DEPDC5: variants seen among roughly 807,000 people sequenced by gnomAD.
The protein encoded by DEPDC5 is DEP domain containing 5, GATOR1 subcomplex subunit, also known as GATOR1 complex protein DEPDC5.
Under a neutral mutation model 217.3 loss-of-function variants are expected in DEPDC5, and 73 were observed. The ratio of observed to expected loss-of-function variants is 0.34; its 90% CI spans 0.28 to 0.41. DEPDC5 has a LOEUF of 0.41. Ranked by LOEUF, DEPDC5 falls within the 10% of genes least tolerant of loss-of-function variation. DEPDC5 has a pLI of 1.00. For missense variants in DEPDC5, 1,675 were observed against 2,070.1 expected (o/e 0.81, Z 3.70); for synonymous variants, 733 against 756.7 (o/e 0.97, Z 0.51).
intron 38 of DEPDC5, chr22:31,890,408 A>C (rs1180022290): frequency 6.6e-6 from 1 of 152,174 alleles, no homozygotes; most frequent in Non-Finnish European, 1.5e-5. Flanking sequence ...AAAACCATAT[A>C]TCATCATACA....
Position 31,822,766 on chromosome 22 carries a change from G to T in DEPDC5, c.2080G>T (p.Gly694Cys). 1 of 1,614,016 alleles carries T rather than the reference G, an allele frequency of 6.2e-7. No homozygotes were observed. Among genetic ancestry groups the T allele is most frequent in the Non-Finnish European group, 8.5e-7 (1 of 1,179,966 alleles). The change falls in exon 24 of 43, where the codon GGC becomes TGC. Residue 694 changes from glycine to cysteine, a missense_variant. Gly to Cys is a radical substitution (Grantham distance 159). Transcript: ENST00000651528. ...NFSGTEELSV[G>C]LLSNSGAGMN... ...CAGTGGAACAGAGGAGCTTTCTGTC[G>T]GCCTGCTTAGCAACAGTGGTGCAGG...
chr22:31,788,868 G>A (rs1031117412), intron 10 of DEPDC5, among the ~76,000 whole-genome samples: 4 of 147,990 alleles, frequency 2.7e-5, no homozygotes, highest in African/African-American at 7.5e-5. Flanking sequence ...GAGCCTCCGC[G>A]ACTGGGCCCA....
intron 41 of DEPDC5, among the ~76,000 whole-genome samples, chr22:31,902,407 ATT>A (rs58473178): frequency 0.082 from 5,662 of 69,294 alleles, 217 homozygotes; most frequent in South Asian, 0.096. Context: ...TCATCTCCTT[ATT>A]ATATATATAT....
At chr22:31,888,919 C>T (rs1003131863) in intron 38 of DEPDC5, among the ~76,000 whole-genome samples, 2 of 152,196 alleles carry the variant, frequency 1.3e-5, no homozygotes, top group Admixed American at 6.5e-5. Context: ...CAAACCCTGA[C>T]ACTTGAATAT....
At chr22:31,809,169 T>C (rs1358072305) in intron 18 of DEPDC5, among the ~76,000 whole-genome samples, 2 of 152,106 alleles carry the variant, frequency 1.3e-5, no homozygotes, top group Non-Finnish European at 2.9e-5. Flanking sequence ...TTTCAGCAAA[T>C]TGGGTGATAT....
chr22:31,772,971 G>A (rs949318827), intron 7 of DEPDC5, among the ~76,000 whole-genome samples: 10 of 151,780 alleles, frequency 6.6e-5, no homozygotes, highest in Non-Finnish European at 1.5e-4. Context: ...TAGTAGACAC[G>A]GGGTCTTGCC....
chr22:31,764,046 C>CT (rs1200659891), intron 4 of DEPDC5, among the ~76,000 whole-genome samples: 2 of 152,026 alleles, frequency 1.3e-5, no homozygotes, highest in East Asian at 3.9e-4. Context: ...TCTCCTGCCT[C>CT]TGCCTCCTGA....
chr22:31,783,874 T>C, intron 8 of DEPDC5, 33 bp from the exon 9 acceptor site: 5 of 1,593,908 alleles, frequency 3.1e-6, no homozygotes, highest in Non-Finnish European at 3.4e-6. Flanking sequence ...GTATATGGCA[T>C]TGCTTTTTAA....
intron 12 of DEPDC5, 53 bp downstream of exon 12, chr22:31,792,870 C>T: frequency 7.2e-7 from 1 of 1,392,902 alleles, no homozygotes; most frequent in Non-Finnish European, 9.5e-7. Context: ...TTGTTTCTTT[C>T]CTAACTTAAA....
At chr22:31,879,029 C>CAAAGAAAAA (rs1425789379) in intron 37 of DEPDC5, among the ~76,000 whole-genome samples, 8 of 68,134 alleles carry the variant, frequency 1.2e-4, no homozygotes, top group Non-Finnish European at 2.0e-4. Flanking sequence ...GACTCCGTCT[C>CAAAGAAAAA]AAAAAAAAAA....
Position 31,804,927 on chromosome 22 carries a change from C to A in DEPDC5, c.1217+12C>A. On this transcript the variant is annotated intron_variant, in intron 17 of 42. Coordinates refer to ENST00000651528, the MANE Select transcript of DEPDC5 (RefSeq NM_001242896.3). ...TGGATAAACCACAGGTGGGTGCGAT[C>A]TCGATCAATAGTAGGTGATAAGCGT... 1 of 1,611,104 alleles carries A rather than the reference C, an allele frequency of 6.2e-7. No individual in the cohort carries two copies. Among genetic ancestry groups the A allele is most frequent in the Non-Finnish European group, 8.5e-7 (1 of 1,178,130 alleles).
At chr22:31,826,504 C>A in intron 24 of DEPDC5, 1 of 425,480 alleles carries the variant, frequency 2.4e-6, no homozygotes, top group Non-Finnish European at 4.7e-6. Context: ...ATAGAATATG[C>A]TTCTTCCCTG....
At position 31,904,529 on chromosome 22, in the gene DEPDC5, G is replaced by T. The variant is rs202182468; in HGVS notation, c.4437-1455G>T. 2.7e-4 allele frequency among the ~76,000 whole-genome samples: 41 copies of T among 152,298 alleles called. No individual in the cohort carries two copies. The East Asian group carries it at 7.7e-3, about 29-fold the overall frequency. ...AGGCCGAAGCAGGCGGATCACCTGA[G>T]GTCAGCAGTTCAAGACCAGCCTGGC... is the stretch of plus-strand genomic sequence containing the variant. On this transcript the variant is annotated intron_variant, in intron 41 of 42. Transcript: ENST00000651528.
intron 19 of DEPDC5, 142 bp from the exon 20 acceptor site, chr22:31,810,379 C>T: frequency 7.8e-7 from 1 of 1,282,132 alleles, no homozygotes; most frequent in Non-Finnish European, 1.1e-6. Flanking sequence ...TCACCTGTGC[C>T]TTGCAGATTT....
At position 31,764,620 on chromosome 22, in the gene DEPDC5, TGG is replaced by T. The variant is rs559364937; in HGVS notation, c.194-354_194-353del. 6.4e-4 allele frequency among the ~76,000 whole-genome samples: 98 copies of T among 152,300 alleles called. 1 individual carries two copies. The South Asian group carries it at 0.014, about 22-fold the overall frequency. Reference sequence around the variant, plus strand: ...TAGTAGAGACAGGGTTTCACCATGTTGGCCAGGCTGGTCTCGAACTGCTGACC... The same window carrying T: ...TAGTAGAGACAGGGTTTCACCATGTTCCAGGCTGGTCTCGAACTGCTGACC... On this transcript the variant is annotated intron_variant, in intron 4 of 42. Transcript: ENST00000651528.
In DEPDC5 at chr22:31,866,597, G is replaced by A. The variant is rs561140782; in HGVS notation, c.3331-3993G>A. Among the ~76,000 whole-genome samples the A allele has an allele frequency of 4.6e-5, 7 of 152,304 alleles. No homozygotes were observed. In the South Asian group the frequency reaches 1.0e-3, roughly 23 times the overall value. ...GACAGGGTTTCACCATGTTGGCCAG[G>A]ATGGTCTCCATCTCCTGACCTTGTG... On this transcript the variant is annotated intron_variant, in intron 33 of 42. Coordinates refer to ENST00000651528, the MANE Select transcript of DEPDC5 (RefSeq NM_001242896.3).
At chr22:31,892,978 C>T (rs1419256644) in intron 38 of DEPDC5, among the ~76,000 whole-genome samples, 1 of 150,478 alleles carries the variant, frequency 6.6e-6, no homozygotes, top group South Asian at 2.1e-4. Flanking sequence ...CAGGTTCGAG[C>T]GATTCTCCTG....
At chr22:31,887,771 G>GC (rs1267019219) in intron 38 of DEPDC5, among the ~76,000 whole-genome samples, 4 of 152,048 alleles carry the variant, frequency 2.6e-5, no homozygotes, top group Non-Finnish European at 5.9e-5. Flanking sequence ...ACAGCTCTCA[G>GC]CCCTTTGTGT....
In DEPDC5 at chr22:31,857,630, T is replaced by G; in HGVS notation, c.3264+77T>G. ...TGTGGAGGGTAAAACAGATCGCCCT[T>G]CAGATCCGGGATTGCATGTGCAGAG... On this transcript the variant is annotated intron_variant, in intron 32 of 42. Coordinates refer to ENST00000651528, the MANE Select transcript of DEPDC5 (RefSeq NM_001242896.3). 8 of 1,254,818 alleles carry G rather than the reference T, an allele frequency of 6.4e-6. No homozygotes were observed. In the South Asian group the frequency reaches 1.1e-4, roughly 17 times the overall value. The allele number at this position is 1,254,818 out of a possible 1,614,324, so 77.7% of individuals were successfully genotyped here.
Sources: allele counts gnomAD v4.1 joint callset (sites outside exome capture counted in the v4.1 genomes callset), GRCh38; gene constraint gnomAD v4.1.1; transcripts MANE v1.5; gene names NCBI Gene and HGNC (gene_info 2026-07-23, HGNC 2026-07-21).